Variants in C9orf85 observed in about 807,000 individuals in gnomAD.
C9orf85 encodes the protein chromosome 9 open reading frame 85, also known as uncharacterized protein C9orf85.
A neutral mutation model predicts 14.9 loss-of-function variants in C9orf85; 16 were observed. The observed-to-expected ratio is 1.08, with a 90% CI of 0.73 to 1.63. The LOEUF is 1.63. Ranked by LOEUF, C9orf85 falls within the 40% of genes most tolerant of loss-of-function variation. The probability of loss-of-function intolerance (pLI) is 0.00; values close to 1 mark genes in which losing one functional copy is unlikely to be tolerated. For synonymous variants in C9orf85, 45 were observed against 56.8 expected (o/e 0.79, Z 0.93); for missense variants, 172 against 186.1 (o/e 0.92, Z 0.44).
rs957141772 is a variant in C9orf85, at chr9:71,958,217, A to AAT, written c.209+11118_209+11119dup. On this transcript the variant is annotated intron_variant, in intron 2 of 3. Transcript: ENST00000334731. ...TAAGGAGGTAATTGAAGGTAATTAA[A>AAT]ATATATATATATATTATATATATAT... Among the ~76,000 whole-genome samples, 131 of 144,510 alleles carry AAT rather than the reference A, an allele frequency of 9.1e-4. 1 individual carries two copies. The highest frequency in any genetic ancestry group is 2.6e-3 in the African/African-American group (104 of 39,934). The allele number at this position is 144,510 out of a possible 152,430, so 94.8% of individuals were successfully genotyped here. A position where few individuals can be genotyped will look rare whatever the true frequency, so the allele number is the denominator to read the frequency against.
intron 1 of C9orf85, among the ~76,000 whole-genome samples, chr9:71,924,040 G>A (rs1827875561): frequency 6.6e-6 from 1 of 152,154 alleles, no homozygotes; most frequent in Admixed American, 6.5e-5. Context: ...ATGTGAAAAA[G>A]CATTCCAAAA....
chr9:71,943,836 C>T (rs1035781055), intron 1 of C9orf85, among the ~76,000 whole-genome samples: 1 of 151,294 alleles, frequency 6.6e-6, no homozygotes, highest in Admixed American at 6.6e-5. Flanking sequence ...CCACCGCACC[C>T]GGCCCTTTCT....
chr9:71,913,584 T>C (rs997918667), intron 1 of C9orf85, among the ~76,000 whole-genome samples: 32 of 152,188 alleles, frequency 2.1e-4, no homozygotes. Context: ...CCAAGTTTGC[T>C]CCCATTATCA....
At chr9:71,942,042 G>A (rs1386179981) in intron 1 of C9orf85, 1 of 152,204 alleles carries the variant, frequency 6.6e-6, no homozygotes, top group East Asian at 1.9e-4. Context: ...AGAAGGGAAT[G>A]CTTTTAGAGC....
intron 1 of C9orf85, among the ~76,000 whole-genome samples, chr9:71,923,678 C>T (rs1287514864): frequency 2.0e-5 from 3 of 152,178 alleles, no homozygotes; most frequent in Non-Finnish European, 2.9e-5. Context: ...GCTGACAGAA[C>T]CTCACTCTGC....
At chr9:71,928,212 A>G (rs914753706) in intron 1 of C9orf85, among the ~76,000 whole-genome samples, 1 of 146,630 alleles carries the variant, frequency 6.8e-6, no homozygotes, top group Non-Finnish European at 1.5e-5. Flanking sequence ...AAAAAAAAAA[A>G]AAAGGCAATG....
At chr9:71,930,301 G>A (rs1202216184) in intron 1 of C9orf85, among the ~76,000 whole-genome samples, 1 of 151,972 alleles carries the variant, frequency 6.6e-6, no homozygotes, top group Non-Finnish European at 1.5e-5. Flanking sequence ...AAATGATAAG[G>A]ATACTAGAAG....
chr9:71,971,871 G>A (rs1259839584), intron 3 of C9orf85, among the ~76,000 whole-genome samples: 1 of 151,338 alleles, frequency 6.6e-6, no homozygotes, highest in Non-Finnish European at 1.5e-5. Context: ...TTACTCGGGA[G>A]TCTAAGGCAG....
intron 3 of C9orf85, chr9:71,982,632 C>CTTTTTTTTTTTTTTTTTTTTTTTTT: frequency 4.0e-6 from 1 of 247,298 alleles, no homozygotes; most frequent in Non-Finnish European, 7.0e-6. Flanking sequence ...TTGTATATTT[C>CTTTTTTTTTTTTTTTTTTTTTTTTT]TTTTTTTTTT....
chr9:71,921,928 T>TTATTATTATTATTA (rs1554705990), intron 1 of C9orf85, among the ~76,000 whole-genome samples: 55 of 113,860 alleles, frequency 4.8e-4, no homozygotes, highest in African/African-American at 1.5e-3. Flanking sequence ...TTATTTTTTT[T>TTATTATTATTATTA]TTATTATTAT....
intron 1 of C9orf85, among the ~76,000 whole-genome samples, chr9:71,939,494 G>A (rs1828277642): frequency 6.6e-6 from 1 of 152,076 alleles, no homozygotes; most frequent in African/African-American, 2.4e-5. Flanking sequence ...GAATGTTCAT[G>A]GACTGAAAGA....
rs912296572 is a variant in C9orf85 at position 71,973,398 on chromosome 9, A to T, written c.*556A>T. ...AATAACATTATTACATTGCCTCAAA[A>T]ATTGGTCCTCGGTAAGTGCCTTTTG... On this transcript the variant is annotated 3_prime_UTR_variant, in exon 4 of 4. Coordinates refer to ENST00000334731, the MANE Select transcript of C9orf85 (RefSeq NM_182505.5). The T allele has an allele frequency of 1.3e-5, 2 of 152,280 alleles. No homozygotes were observed. Among genetic ancestry groups the T allele is most frequent in the African/African-American group, 4.8e-5 (2 of 41,554 alleles). The allele number at this position is 152,280 out of a possible 1,614,324, so 9.4% of individuals were successfully genotyped here. A position where few individuals can be genotyped will look rare whatever the true frequency, so the allele number is the denominator to read the frequency against.
In C9orf85 at chr9:71,930,510, A is replaced by G. The variant is rs533653241; in HGVS notation, c.103-16496A>G. Among the ~76,000 whole-genome samples the G allele has an allele frequency of 1.6e-4, 24 of 152,114 alleles. 2 individuals are homozygous for G. The South Asian group carries it at 4.6e-3, about 29-fold the overall frequency. ...GGCTATGTGGACAGTAAAGACAGAA[A>G]CAGGCCAGGCATGTTGGCTCACACC... On this transcript the variant is annotated intron_variant, in intron 1 of 3. Coordinates refer to ENST00000334731, the MANE Select transcript of C9orf85 (RefSeq NM_182505.5).
At position 71,963,930 on chromosome 9, in the gene C9orf85, G is replaced by A. The variant is rs191822418; in HGVS notation, c.210-7575G>A. On this transcript the variant is annotated intron_variant, in intron 2 of 3. Coordinates refer to ENST00000334731, the MANE Select transcript of C9orf85 (RefSeq NM_182505.5). ...CAAGGGCTGAGGAGTGCGGGCGCAC[G>A]GCACGGGACTGGCAGGCAGCTCCAT... 7.4e-3 allele frequency among the ~76,000 whole-genome samples: 1,130 copies of A among 152,308 alleles called. 15 individuals are homozygous for A. The highest frequency in any genetic ancestry group is 0.025 in the African/African-American group (1,056 of 41,578).
At chr9:71,974,784 C>G (rs1822972047), downstream of C9orf85, among the ~76,000 whole-genome samples, 1 of 152,170 alleles carries the variant, frequency 6.6e-6, no homozygotes. Context: ...AGAATTTCAG[C>G]ACTCTGCATC....
intron 2 of C9orf85, among the ~76,000 whole-genome samples, chr9:71,956,320 G>A (rs1048178991): frequency 6.9e-6 from 1 of 144,764 alleles, no homozygotes; most frequent in African/African-American, 2.6e-5. Flanking sequence ...CGCGATCTTG[G>A]CTCGCCACAA....
At chr9:71,972,549 A>G (rs535506067) in intron 3 of C9orf85, 143 bp from the exon 4 acceptor site, 19 of 482,588 alleles carry the variant, frequency 3.9e-5, no homozygotes, top group African/African-American at 3.3e-4. Context: ...ATGAGCCACC[A>G]CTCCCAGGTG....
chr9:71,938,646 G>A (rs1198446450), intron 1 of C9orf85, among the ~76,000 whole-genome samples: 1 of 151,792 alleles, frequency 6.6e-6, no homozygotes, highest in African/African-American at 2.4e-5. Flanking sequence ...ACCAAAGAAA[G>A]GGGACATTTA....
At chr9:71,984,313 T>C (rs1823163176), downstream of C9orf85, 1 of 152,224 alleles carries the variant, frequency 6.6e-6, no homozygotes, top group South Asian at 2.1e-4. Context: ...TTTAAATATC[T>C]TACATGAGAA....
Sources: gnomAD v4.1 joint callset for allele counts (sites outside exome capture counted in the v4.1 genomes callset) on GRCh38, gnomAD v4.1.1 for gene constraint, MANE v1.5 for transcripts, NCBI Gene and HGNC (gene_info 2026-07-23, HGNC 2026-07-21) for gene names.